Variants in C16orf74 observed in about 807,000 individuals in gnomAD.
The protein encoded by C16orf74 is uncharacterized protein C16orf74.
A neutral mutation model predicts 6.5 loss-of-function variants in C16orf74; 10 were observed. The observed-to-expected ratio is 1.54, with a 90% confidence interval of 0.95 to 2.61. The LOEUF (loss-of-function observed/expected upper bound fraction) is 2.61. Ranked by LOEUF, C16orf74 falls within the 30% of genes most tolerant of loss-of-function variation. C16orf74 has a pLI of 0.00. For synonymous variants in C16orf74, 60 were observed against 42.5 expected (o/e 1.41, Z -1.60); for missense variants, 141 against 105.9 (o/e 1.33, Z -1.45).
At chr16:85,718,923 T>C (rs2054051691) in intron 2 of C16orf74, among the ~76,000 whole-genome samples, 1 of 152,264 alleles carries the variant, frequency 6.6e-6, no homozygotes, top group African/African-American at 2.4e-5. Context: ...TGTCGCCCCC[T>C]TGCGGTCACG....
At chr16:85,735,288 G>C in intron 1 of C16orf74, 53 bp from the exon 2 acceptor site, 1 of 1,388,204 alleles carries the variant, frequency 7.2e-7, no homozygotes, top group Non-Finnish European at 9.8e-7. Flanking sequence ...TGTTTGTATT[G>C]GCCACGTGCA....
Position 85,708,067 on chromosome 16 carries a change from C to G in C16orf74, c.173-1G>C. 6.4e-7 allele frequency: 1 copy of G among 1,553,148 alleles called. No homozygotes were observed. Among genetic ancestry groups the G allele is most frequent in the Non-Finnish European group, 8.7e-7 (1 of 1,147,698 alleles). ...CACGACCCTGTCTCATCCAGCCAGA[C>G]TAGGAGAAAGAGGGGATGGACACCT... On this transcript the variant is annotated splice_acceptor_variant, in intron 3 of 3. Transcript: ENST00000284245. LOFTEE classifies it high-confidence loss of function.
At chr16:85,742,111 G>A (rs1258744418) in intron 1 of C16orf74, among the ~76,000 whole-genome samples, 1 of 152,146 alleles carries the variant, frequency 6.6e-6, no homozygotes, top group East Asian at 1.9e-4. Flanking sequence ...GGTGGCTCAC[G>A]CCTGTAATCC....
Sources: gnomAD v4.1 joint callset for allele counts (sites outside exome capture counted in the v4.1 genomes callset) on GRCh38, gnomAD v4.1.1 for gene constraint, MANE v1.5 for transcripts, NCBI Gene and HGNC (gene_info 2026-07-23, HGNC 2026-07-21) for gene names.